ALPK2: variants seen among roughly 807,000 people sequenced by gnomAD.
ALPK2 encodes alpha-protein kinase 2.
In ALPK2, 127 loss-of-function variants were observed where a neutral mutation model predicts 163.1. The observed-to-expected ratio is 0.78, with a 90% CI of 0.67 to 0.90. The LOEUF (loss-of-function observed/expected upper bound fraction) is 0.90, where lower values mean the gene tolerates loss of function less well. Ranked by LOEUF, ALPK2 falls within the 40% of genes least tolerant of loss-of-function variation. ALPK2 has a pLI of 0.00. For missense variants in ALPK2, 2,360 were observed against 2,589.6 expected (o/e 0.91, Z 1.92); for synonymous variants, 953 against 959.1 (o/e 0.99, Z 0.12).
intron 12 of ALPK2, among the ~76,000 whole-genome samples, chr18:58,492,897 C>T (rs2051382416): frequency 6.6e-6 from 1 of 152,212 alleles, no homozygotes; most frequent in Non-Finnish European, 1.5e-5. Flanking sequence ...GCCTGGGAGA[C>T]TCCCCCATAC....
rs573497261 is a variant in ALPK2 at position 58,614,609 on chromosome 18, A to G, written c.-20-2792T>C. On this transcript the variant is annotated intron_variant, in intron 1 of 12. Coordinates refer to ENST00000361673, the MANE Select transcript of ALPK2 (RefSeq NM_052947.4). Reference sequence around the variant, plus strand: ...AATGGATATCAATTGGTATTTTTAAAAAACCAGATTTAATACCAGCCCAAG... The same window carrying G: ...AATGGATATCAATTGGTATTTTTAAGAAACCAGATTTAATACCAGCCCAAG... Among the ~76,000 whole-genome samples the G allele has an allele frequency of 3.3e-5, 5 of 152,352 alleles. No homozygotes were observed. In the East Asian group the frequency reaches 9.6e-4, roughly 29 times the overall value.
intron 2 of ALPK2, among the ~76,000 whole-genome samples, chr18:58,610,347 C>G (rs2052122141): frequency 6.7e-6 from 1 of 149,856 alleles, no homozygotes; most frequent in Non-Finnish European, 1.5e-5. Flanking sequence ...ACACCATTGG[C>G]ACCTTCATGT....
chr18:58,520,523 C>A (rs1260785500), intron 8 of ALPK2, among the ~76,000 whole-genome samples: 1 of 150,034 alleles, frequency 6.7e-6, no homozygotes, highest in Admixed American at 6.6e-5. Flanking sequence ...ATTCAAATGC[C>A]TCACTGAGGT....
chr18:58,487,078 G>T (rs930457054), intron 12 of ALPK2, among the ~76,000 whole-genome samples: 1 of 152,134 alleles, frequency 6.6e-6, no homozygotes, highest in Non-Finnish European at 1.5e-5. Context: ...AGATATAGGG[G>T]GTTGAGTAGC....
intron 12 of ALPK2, among the ~76,000 whole-genome samples, chr18:58,492,346 C>T (rs1370371094): frequency 6.6e-6 from 1 of 152,182 alleles, no homozygotes; most frequent in African/African-American, 2.4e-5. Flanking sequence ...CTAGACTTTT[C>T]CTTGTCTTTA....
At chr18:58,552,906 G>A (rs1247138829) in intron 4 of ALPK2, among the ~76,000 whole-genome samples, 1 of 152,232 alleles carries the variant, frequency 6.6e-6, no homozygotes, top group South Asian at 2.1e-4. Context: ...TTACTTGGGA[G>A]TAGGTTTTTA....
intron 4 of ALPK2, among the ~76,000 whole-genome samples, chr18:58,574,438 CAAAAAAAAA>C (rs34107333): frequency 2.0e-5 from 1 of 49,406 alleles, no homozygotes; most frequent in Non-Finnish European, 3.9e-5. Flanking sequence ...GACTCCATCT[CAAAAAAAAA>C]AAAAAAAAAA....
chr18:58,514,948 C>T, intron 10 of ALPK2, 45 bp downstream of exon 10: 5 of 1,500,172 alleles, frequency 3.3e-6, no homozygotes, highest in Non-Finnish European at 4.6e-6. Context: ...CTCCTAGTCC[C>T]CAACGAGTCA....
intron 3 of ALPK2, among the ~76,000 whole-genome samples, chr18:58,595,983 C>A (rs1194288700): frequency 6.6e-6 from 1 of 152,066 alleles, no homozygotes; most frequent in African/African-American, 2.4e-5. Flanking sequence ...GGTAAAGGTC[C>A]CCTTATTAAA....
intron 2 of ALPK2, among the ~76,000 whole-genome samples, chr18:58,611,239 C>T (rs1004687758): frequency 5.3e-5 from 8 of 150,790 alleles, no homozygotes; most frequent in African/African-American, 2.0e-4. Flanking sequence ...GATCACACCA[C>T]TGCACTCCAG....
Position 58,481,994 on chromosome 18 carries a change from C to A in ALPK2, c.6342G>T (p.Gln2114His), listed in dbSNP as rs2051314030. 1.2e-6 allele frequency: 2 copies of A among 1,614,168 alleles called. No individual in the cohort carries two copies. Among genetic ancestry groups the A allele is most frequent in the East Asian group, 4.5e-5 (2 of 44,886 alleles). ...KGNCSMTFID[Q>H]FKALHQCNKY... ...TGTTACACTGGTGTAGTGCTTTAAA[C>A]TGATCAATGAAGGTCATGGAACAGT... Residue 2114 changes from glutamine (Q) to histidine (H), a missense_variant, in exon 13 of 13, where the codon CAG becomes CAT. Physicochemically the swap from Gln to His is conservative, Grantham distance 24 (BLOSUM62 0). Coordinates refer to ENST00000361673, the MANE Select transcript of ALPK2 (RefSeq NM_052947.4).
At chr18:58,538,529 G>A (rs981563755) in intron 4 of ALPK2, 7 of 328,964 alleles carry the variant, frequency 2.1e-5, no homozygotes, top group East Asian at 1.2e-4. Flanking sequence ...GAAATAAATC[G>A]AATGTTAACT....
At chr18:58,523,739 T>C in intron 8 of ALPK2, 67 bp downstream of exon 8, 1 of 1,596,596 alleles carries the variant, frequency 6.3e-7, no homozygotes, top group Non-Finnish European at 8.6e-7. Context: ...TACTCTTTCC[T>C]CTGGGAGCTA....
At chr18:58,557,998 G>T (rs1324784579) in intron 4 of ALPK2, among the ~76,000 whole-genome samples, 1 of 152,164 alleles carries the variant, frequency 6.6e-6, no homozygotes, top group Non-Finnish European at 1.5e-5. Flanking sequence ...CTTAGAGCTG[G>T]ACTATCCAAC....
chr18:58,494,937 T>A (rs1204292228), intron 12 of ALPK2, among the ~76,000 whole-genome samples: 1 of 152,166 alleles, frequency 6.6e-6, no homozygotes, highest in African/African-American at 2.4e-5. Context: ...CTTTTTCAAT[T>A]GTGCCTCGCC....
intron 3 of ALPK2, among the ~76,000 whole-genome samples, chr18:58,589,957 C>T (rs1183511181): frequency 6.6e-6 from 1 of 152,180 alleles, no homozygotes; most frequent in Non-Finnish European, 1.5e-5. Flanking sequence ...TTGGCTCATG[C>T]CTGTAATCCC....
intron 3 of ALPK2, among the ~76,000 whole-genome samples, chr18:58,602,323 G>A (rs557460146): frequency 1.2e-3 from 189 of 152,248 alleles, no homozygotes; most frequent in African/African-American, 4.4e-3. Flanking sequence ...AGCTTCCTAG[G>A]GCTGTGTAAC....
At chr18:58,599,267 C>T (rs994583038) in intron 3 of ALPK2, among the ~76,000 whole-genome samples, 2 of 152,182 alleles carry the variant, frequency 1.3e-5, no homozygotes, top group African/African-American at 2.4e-5. Flanking sequence ...ACCGGGAGTT[C>T]CTTGTCAGAC....
chr18:58,517,821 A>G (rs965472339), intron 8 of ALPK2, among the ~76,000 whole-genome samples: 1 of 152,256 alleles, frequency 6.6e-6, no homozygotes, highest in Admixed American at 6.5e-5. Context: ...GTAGCAATAA[A>G]CAAAACAAAA....
Sources: allele counts gnomAD v4.1 joint callset (sites outside exome capture counted in the v4.1 genomes callset), GRCh38; gene constraint gnomAD v4.1.1; transcripts MANE v1.5; gene names NCBI Gene and HGNC (gene_info 2026-07-23, HGNC 2026-07-21).